DHX30: variants seen among roughly 807,000 people sequenced by gnomAD.
The protein encoded by DHX30 is ATP-dependent RNA helicase DHX30.
DHX30 carries 4 observed loss-of-function variants against 116.9 expected under a neutral mutation model. That is an observed-to-expected ratio of 0.03 (90% CI 0.02 to 0.08). The LOEUF (loss-of-function observed/expected upper bound fraction) is 0.08. Among genes scored for constraint, DHX30 ranks in the 10% least tolerant of loss-of-function variants. The pLI is 1.00. For missense variants in DHX30, 871 were observed against 1,595.1 expected, an observed-to-expected ratio of 0.55 and a Z score of 7.73; for synonymous variants, 697 against 651.7, an observed-to-expected ratio of 1.07 and a Z score of -1.06.
chr3:47,834,100 A>G (rs2036995345), intron 6 of DHX30, among the ~76,000 whole-genome samples: 1 of 151,836 alleles, frequency 6.6e-6, no homozygotes, highest in African/African-American at 2.4e-5. Flanking sequence ...ATCATGTGGT[A>G]TTTTCATTTT....
At chr3:47,809,234 C>CTTTTTTTTTTTT (rs71070231) in intron 2 of DHX30, among the ~76,000 whole-genome samples, 1 of 63,502 alleles carries the variant, frequency 1.6e-5, no homozygotes, top group Non-Finnish European at 2.5e-5. Context: ...AATGTAACTT[C>CTTTTTTTTTTTT]TTTTTTTTTT....
chr3:47,819,302 A>G (rs1378442965), intron 4 of DHX30: 1 of 1,367,330 alleles, frequency 7.3e-7, no homozygotes, highest in African/African-American at 1.5e-5. Flanking sequence ...GCTTTGGCTA[A>G]GCTTGAAGAC....
intron 8 of DHX30, among the ~76,000 whole-genome samples, chr3:47,842,838 G>A (rs1274170715): frequency 6.6e-6 from 1 of 152,224 alleles, no homozygotes; most frequent in Admixed American, 6.5e-5. Context: ...GATGACAGTG[G>A]GCTAGGAGGG....
intron 2 of DHX30, among the ~76,000 whole-genome samples, chr3:47,807,187 C>T (rs2035567621): frequency 6.6e-6 from 1 of 151,100 alleles, no homozygotes; most frequent in Non-Finnish European, 1.5e-5. Context: ...GCCTGGGCAA[C>T]AAGAGCAACA....
chr3:47,826,263 T>C (rs1026248309), intron 4 of DHX30: 6 of 152,094 alleles, frequency 3.9e-5, no homozygotes, highest in African/African-American at 1.4e-4. Context: ...TTAAGCCTTG[T>C]GTCTGGTACA....
intron 4 of DHX30, 139 bp from the exon 5 acceptor site, chr3:47,827,208 T>G (rs2036590866): frequency 1.3e-6 from 1 of 787,720 alleles, no homozygotes; most frequent in Non-Finnish European, 1.9e-6. Flanking sequence ...TCCTCTTTTC[T>G]TTTCCAAGAT....
At chr3:47,817,839 C>T (rs532661482) in intron 3 of DHX30, among the ~76,000 whole-genome samples, 183 bp from the exon 4 acceptor site, 2 of 152,286 alleles carry the variant, frequency 1.3e-5, no homozygotes, top group African/African-American at 2.4e-5. Context: ...TCATATGAGA[C>T]GCTTGCCTTC....
At chr3:47,804,136 A>G (rs2035418896) in intron 1 of DHX30, among the ~76,000 whole-genome samples, 1 of 152,216 alleles carries the variant, frequency 6.6e-6, no homozygotes, top group South Asian at 2.1e-4. Flanking sequence ...TTTACACTTA[A>G]ATCTTAGAGA....
At chr3:47,831,892 A>G (rs1340390940) in intron 6 of DHX30, among the ~76,000 whole-genome samples, 1 of 121,436 alleles carries the variant, frequency 8.2e-6, no homozygotes, top group African/African-American at 2.9e-5. Flanking sequence ...TGCACACTTT[A>G]GGTATTTAGT....
chr3:47,818,867 C>T (rs1346383010), intron 4 of DHX30, among the ~76,000 whole-genome samples: 1 of 152,194 alleles, frequency 6.6e-6, no homozygotes, highest in East Asian at 1.9e-4. Context: ...CCATAGGCTG[C>T]CTGTTCACAC....
intron 6 of DHX30, among the ~76,000 whole-genome samples, chr3:47,837,115 A>G (rs1576501989): frequency 1.4e-5 from 1 of 71,812 alleles, no homozygotes; most frequent in African/African-American, 3.8e-5. Flanking sequence ...TTATTCTTGA[A>G]GAATGGTCCT....
At chr3:47,810,094 C>G (rs986907970) in intron 2 of DHX30, among the ~76,000 whole-genome samples, 2 of 152,106 alleles carry the variant, frequency 1.3e-5, no homozygotes, top group African/African-American at 2.4e-5. Context: ...GCTTTTTATT[C>G]TGAATCACTG....
At chr3:47,807,337 T>A (rs959684516) in intron 2 of DHX30, among the ~76,000 whole-genome samples, 1 of 152,144 alleles carries the variant, frequency 6.6e-6, no homozygotes, top group South Asian at 2.1e-4. Context: ...ATCGTTTTTT[T>A]AGATTAGTAC....
rs775787474 is a variant in DHX30, at chr3:47,810,718, C to G, written c.28+7C>G. The G allele has an allele frequency of 6.2e-7, 1 of 1,614,016 alleles. No individual in the cohort carries two copies. Among genetic ancestry groups the G allele is most frequent in the Non-Finnish European group, 8.5e-7 (1 of 1,179,880 alleles). On this transcript the variant is annotated splice_region_variant and intron_variant, in intron 3 of 21. Coordinates refer to ENST00000445061, the MANE Select transcript of DHX30 (RefSeq NM_138615.3). ...CTGGACTCATTCAGAAAAGGTAAGA[C>G]TGCAACTGTGCTTGTGACCTCATGC...
chr3:47,803,363 C>T (rs976250999), intron 1 of DHX30, among the ~76,000 whole-genome samples, 151 bp downstream of exon 1: 2 of 152,018 alleles, frequency 1.3e-5, no homozygotes, highest in Non-Finnish European at 2.9e-5. Flanking sequence ...GCAGGCCGGG[C>T]ATCCTAGGCC....
chr3:47,825,847 C>T (rs114568584), intron 4 of DHX30: 1 of 152,342 alleles, frequency 6.6e-6, no homozygotes, highest in African/African-American at 2.4e-5. Flanking sequence ...CGAAACCCCC[C>T]CCGCCCCGGC....
At chr3:47,827,571 T>C (rs911883624) in intron 5 of DHX30, 94 bp downstream of exon 5, 4 of 1,473,232 alleles carry the variant, frequency 2.7e-6, no homozygotes, top group African/African-American at 1.4e-5. Flanking sequence ...AAGGAGGCCA[T>C]AGAATGGGTT....
rs374702632 is a variant in DHX30 at position 47,825,337 on chromosome 3, G to A, written c.125-2010G>A. 3.2e-4 allele frequency: 172 copies of A among 538,418 alleles called. 1 individual carries two copies. The East Asian group carries it at 5.6e-3, about 18-fold the overall frequency. 33.4% of individuals were successfully genotyped at this position (538,418 alleles called of 1,614,324 possible). On this transcript the variant is annotated intron_variant, in intron 4 of 21. Transcript: ENST00000445061. ...GGCGCGGGCCGAAATCGGGCCTGGC[G>A]GCCGGGGGTCCTCTCTTCCATAGTG...
At chr3:47,829,304 ATATATATATAT>A (rs1201534500) in intron 6 of DHX30, among the ~76,000 whole-genome samples, 170 bp downstream of exon 6, 6 of 35,186 alleles carry the variant, frequency 1.7e-4, no homozygotes, top group Non-Finnish European at 2.5e-4. Flanking sequence ...ATATATATAT[ATATATATATAT>A]TTTTTTTTTT....
Sources: allele counts gnomAD v4.1 joint callset (sites outside exome capture counted in the v4.1 genomes callset), GRCh38; gene constraint gnomAD v4.1.1; transcripts MANE v1.5; gene names NCBI Gene and HGNC (gene_info 2026-07-23, HGNC 2026-07-21).